INSR: variants seen among roughly 807,000 people sequenced by gnomAD.
INSR encodes the protein IR.
A neutral mutation model predicts 142.6 loss-of-function variants in INSR; 67 were observed. The observed-to-expected ratio is 0.47, with a 90% CI of 0.39 to 0.58. The LOEUF is 0.58. Among genes scored for constraint, INSR ranks in the 20% least tolerant of loss-of-function variants. The pLI, the probability that INSR is intolerant of heterozygous loss-of-function variation, is 0.00. For missense variants in INSR, 1,248 were observed against 1,833.2 expected (o/e 0.68, Z 5.83); for synonymous variants, 756 against 743.1 (o/e 1.02, Z -0.28).
chr19:7,169,592 AAAAAAAG>A (rs1285370768), intron 6 of INSR, among the ~76,000 whole-genome samples: 3 of 151,600 alleles, frequency 2.0e-5, no homozygotes, highest in Non-Finnish European at 4.4e-5. Context: ...AAAAAAAAAA[AAAAAAAG>A]AAGCTCTTCC....
chr19:7,249,051 G>C (rs762895103), intron 2 of INSR, among the ~76,000 whole-genome samples: 1 of 152,026 alleles, frequency 6.6e-6, no homozygotes. Flanking sequence ...GAGTTACTGC[G>C]CCCATGTCCC....
chr19:7,147,542 A>C (rs1204279641), intron 11 of INSR, among the ~76,000 whole-genome samples: 2 of 152,118 alleles, frequency 1.3e-5, no homozygotes, highest in African/African-American at 4.8e-5. Context: ...ATTAACTTTT[A>C]GTTTCTATTG....
chr19:7,116,552 A>T lies in INSR; in HGVS notation c.*504T>A, dbSNP rs1251636733. The T allele has an allele frequency of 6.6e-6, 1 of 152,016 alleles. No homozygotes were observed. The highest frequency in any genetic ancestry group is 2.4e-5 in the African/African-American group (1 of 41,264). 9.4% of individuals were successfully genotyped at this position (152,016 alleles called of 1,614,324 possible). A position where few individuals can be genotyped will look rare whatever the true frequency, so the allele number is the denominator to read the frequency against. On this transcript the variant is annotated 3_prime_UTR_variant, in exon 22 of 22. Coordinates refer to ENST00000302850, the MANE Select transcript of INSR (RefSeq NM_000208.4). The stretch of plus-strand genomic sequence containing the variant: ...CTTCAGCCTGGATGAGAGAAAAAAA[A>T]AAAACCAAAAAAACCATCTTGAAGC...
At chr19:7,274,883 G>T (rs1208232390) in intron 1 of INSR, among the ~76,000 whole-genome samples, 1 of 151,648 alleles carries the variant, frequency 6.6e-6, no homozygotes, top group Non-Finnish European at 1.5e-5. Context: ...TGATGTAGAA[G>T]AGGCAAGCCC....
intron 3 of INSR, among the ~76,000 whole-genome samples, chr19:7,184,060 C>CAAAAAAAAAAAA (rs533682498): frequency 2.2e-3 from 185 of 84,974 alleles, no homozygotes; most frequent in African/African-American, 4.7e-3. Context: ...GACTCCATCT[C>CAAAAAAAAAAAA]AAAAAAAAAA....
intron 10 of INSR, 108 bp downstream of exon 10, chr19:7,152,618 C>T (rs1568448461): frequency 2.2e-6 from 2 of 917,754 alleles, no homozygotes; most frequent in Admixed American, 1.7e-5. Flanking sequence ...CTCCACCCAC[C>T]CTTCTGCCGT....
At chr19:7,176,278 G>A (rs1461679184) in intron 3 of INSR, among the ~76,000 whole-genome samples, 1 of 152,174 alleles carries the variant, frequency 6.6e-6, no homozygotes, top group Non-Finnish European at 1.5e-5. Context: ...TATAGTGAGT[G>A]AGTTCTCACG....
intron 19 of INSR, among the ~76,000 whole-genome samples, chr19:7,121,892 C>T (rs1972500409): frequency 6.6e-6 from 1 of 152,212 alleles, no homozygotes; most frequent in African/African-American, 2.4e-5. Context: ...CCTGTAATCC[C>T]AGTGCTTTGG....
intron 1 of INSR, among the ~76,000 whole-genome samples, chr19:7,274,321 C>T (rs1410067810): frequency 6.6e-6 from 1 of 151,776 alleles, no homozygotes; most frequent in African/African-American, 2.4e-5. Flanking sequence ...CAATGCTCAC[C>T]TGCCCTCTGC....
intron 9 of INSR, among the ~76,000 whole-genome samples, chr19:7,162,401 C>T (rs1480954325): frequency 1.3e-5 from 2 of 149,598 alleles, no homozygotes; most frequent in African/African-American, 2.5e-5. Context: ...GTTCCAGCAA[C>T]TCATGAGGCT....
chr19:7,130,205 C>T (rs183129310), intron 14 of INSR, among the ~76,000 whole-genome samples: 198 of 152,322 alleles, frequency 1.3e-3, no homozygotes, highest in African/African-American at 4.5e-3. Context: ...TACATACACA[C>T]CATGGAATAC....
intron 2 of INSR, among the ~76,000 whole-genome samples, chr19:7,204,695 G>A (rs1306568645): frequency 7.0e-6 from 1 of 141,928 alleles, no homozygotes; most frequent in Non-Finnish European, 1.5e-5. Flanking sequence ...ATGCTACTGA[G>A]CCCTGGCACC....
rs1453815505 is a variant in INSR, at chr19:7,166,913, T to G, written c.1611-509A>C. ...CAGCCTGGGCGACAAAGGGAGACTCTGTTTCAAAAACATAAATAAATAAAT... is the reference window on the plus strand; with the variant it reads ...CAGCCTGGGCGACAAAGGGAGACTCGGTTTCAAAAACATAAATAAATAAAT... On this transcript the variant is annotated intron_variant, in intron 7 of 21. Coordinates refer to ENST00000302850, the MANE Select transcript of INSR (RefSeq NM_000208.4). This position sits in a 1 kb window ranked among gnomAD's most constrained non-coding sequence, Gnocchi z 4.1. Among the ~76,000 whole-genome samples the G allele has an allele frequency of 6.7e-6, 1 of 148,934 alleles. No homozygotes were observed. The highest frequency in any genetic ancestry group is 2.0e-4 in the East Asian group (1 of 5,122).
intron 2 of INSR, among the ~76,000 whole-genome samples, chr19:7,226,654 A>G (rs1377853530): frequency 1.3e-5 from 2 of 148,918 alleles, no homozygotes; most frequent in African/African-American, 5.0e-5. Flanking sequence ...CTTGAGCCCA[A>G]GAGGTCAAGG....
At position 7,151,210 on chromosome 19, in the gene INSR, T is replaced by TTC. The variant is rs1262930135; in HGVS notation, c.2232-679_2232-678insGA. On this transcript the variant is annotated intron_variant, in intron 10 of 21. Coordinates refer to ENST00000302850, the MANE Select transcript of INSR (RefSeq NM_000208.4). Reference sequence around the variant, plus strand: ...TTTCTTTCTTTCTTTCTTTCTTTCTTTTTCTTTCTCTCTTCCTTCCTTCCT... The same window carrying TTC: ...TTTCTTTCTTTCTTTCTTTCTTTCTTTCTTTCTTTCTCTCTTCCTTCCTTCCT... Among the ~76,000 whole-genome samples, 1,064 of 132,378 alleles carry TTC rather than the reference T, an allele frequency of 8.0e-3. 19 individuals are homozygous for TTC. The highest frequency in any genetic ancestry group is 0.028 in the African/African-American group (990 of 35,540). The allele number at this position is 132,378 out of a possible 152,430, so 86.8% of individuals were successfully genotyped here.
intron 5 of INSR, 83 bp downstream of exon 5, chr19:7,172,207 T>C (rs1477991914): frequency 9.8e-6 from 15 of 1,529,220 alleles, no homozygotes; most frequent in South Asian, 3.4e-5. Flanking sequence ...CCACCACACC[T>C]GGCCAAAAAA....
At chr19:7,287,156 ATTC>A (rs540149148) in intron 1 of INSR, among the ~76,000 whole-genome samples, 2 of 135,714 alleles carry the variant, frequency 1.5e-5, no homozygotes, top group African/African-American at 5.5e-5. Flanking sequence ...GGCCAAAAAT[ATTC>A]TTTTTTTTTT....
intron 2 of INSR, among the ~76,000 whole-genome samples, chr19:7,199,826 C>G (rs535341459): frequency 1.5e-5 from 2 of 137,594 alleles, no homozygotes; most frequent in African/African-American, 5.6e-5. Flanking sequence ...CCAGTATGCA[C>G]GAGACACATA....
At chr19:7,207,898 A>AG (rs1975148507) in intron 2 of INSR, among the ~76,000 whole-genome samples, 5 of 113,816 alleles carry the variant, frequency 4.4e-5, no homozygotes, top group African/African-American at 6.5e-5. Context: ...GAAGGAAGGA[A>AG]GGAAAGGAAG....
Sources: gnomAD v4.1 joint callset for allele counts (sites outside exome capture counted in the v4.1 genomes callset) on GRCh38, gnomAD v4.1.1 for gene constraint, Gnocchi (gnomAD v3.1) non-coding constraint, MANE v1.5 for transcripts, NCBI Gene and HGNC (gene_info 2026-07-23, HGNC 2026-07-21) for gene names.